The following LINGO2 variants were observed in gnomAD, a reference collection of about 807,000 sequenced individuals.
The protein encoded by LINGO2 is leucine rich repeat and Ig domain containing 2.
A neutral mutation model predicts 30.6 loss-of-function variants in LINGO2; 14 were observed. The observed-to-expected ratio is 0.46, with a 90% CI of 0.30 to 0.72. The LOEUF (loss-of-function observed/expected upper bound fraction) is 0.72. Ranked by LOEUF, LINGO2 falls within the 30% of genes least tolerant of loss-of-function variation. The pLI is 0.07. For missense variants in LINGO2, 729 were observed against 751.7 expected (o/e 0.97, Z 0.35); for synonymous variants, 317 against 288.5 (o/e 1.10, Z -1.00).
the LINGO2 span, among the ~76,000 whole-genome samples, chr9:29,093,926 T>C: frequency 7.2e-6 from 1 of 138,726 alleles, no homozygotes; most frequent in African/African-American, 2.7e-5. Flanking sequence ...TTTTGCAAGT[T>C]ATATCCAAAT....
intron 2 of LINGO2, among the ~76,000 whole-genome samples, chr9:28,433,250 G>T (rs10968595): frequency 6.6e-6 from 1 of 151,898 alleles, no homozygotes; most frequent in East Asian, 1.9e-4. Context: ...TAAAACCCAC[G>T]CCTGTTATCC....
At chr9:28,142,675 C>A (rs1827707227) in intron 4 of LINGO2, among the ~76,000 whole-genome samples, 1 of 152,112 alleles carries the variant, frequency 6.6e-6, no homozygotes, top group Non-Finnish European at 1.5e-5. Context: ...AGATAATTCC[C>A]TGATTCCTTT....
chr9:28,101,673 C>T (rs1826419901), intron 4 of LINGO2, among the ~76,000 whole-genome samples: 1 of 152,136 alleles, frequency 6.6e-6, no homozygotes, highest in Admixed American at 6.6e-5. Flanking sequence ...GAATATTTGT[C>T]TCTGGGAGAG....
intron 5 of LINGO2, among the ~76,000 whole-genome samples, chr9:27,969,346 T>C (rs1820247914): frequency 6.6e-6 from 1 of 152,100 alleles, no homozygotes; most frequent in Non-Finnish European, 1.5e-5. Flanking sequence ...ACAAGAAAAC[T>C]GGTTTTAAAA....
At chr9:28,393,788 G>A (rs927336877) in intron 2 of LINGO2, among the ~76,000 whole-genome samples, 15 of 152,144 alleles carry the variant, frequency 9.9e-5, no homozygotes, top group African/African-American at 2.4e-5. Flanking sequence ...GTATAGCAGG[G>A]CAGGTCAAAG....
chr9:28,874,280 C>A, the LINGO2 span, among the ~76,000 whole-genome samples: 4 of 151,874 alleles, frequency 2.6e-5, no homozygotes, highest in Non-Finnish European at 4.4e-5. Context: ...GGTCTATGTA[C>A]TCAGTGGTTC....
the LINGO2 span, among the ~76,000 whole-genome samples, chr9:28,685,844 C>G: frequency 1.5e-4 from 23 of 152,008 alleles, no homozygotes; most frequent in Non-Finnish European, 3.1e-4. Context: ...CTCACCATCC[C>G]TCAAATTCTA....
intron 4 of LINGO2, among the ~76,000 whole-genome samples, chr9:28,028,516 A>C (rs988715737): frequency 6.6e-6 from 1 of 152,162 alleles, no homozygotes; most frequent in Non-Finnish European, 1.5e-5. Flanking sequence ...GATTATAACA[A>C]TATACATAAT....
At chr9:29,096,230 C>T in the LINGO2 span, among the ~76,000 whole-genome samples, 1 of 139,290 alleles carries the variant, frequency 7.2e-6, no homozygotes, top group Admixed American at 7.3e-5. Flanking sequence ...CTTCCCTGAA[C>T]CTGAATACAA....
chr9:29,118,498 G>C, the LINGO2 span, among the ~76,000 whole-genome samples: 2 of 152,178 alleles, frequency 1.3e-5, no homozygotes, highest in African/African-American at 4.8e-5. Context: ...GCCGTTCATA[G>C]TCAAAACTGC....
At chr9:28,383,240 T>C (rs1290764231) in intron 2 of LINGO2, among the ~76,000 whole-genome samples, 1 of 143,056 alleles carries the variant, frequency 7.0e-6, no homozygotes, top group African/African-American at 2.6e-5. Context: ...TGAAACACTA[T>C]AGATCACCAT....
At chr9:28,941,032 G>C in the LINGO2 span, among the ~76,000 whole-genome samples, 1 of 149,614 alleles carries the variant, frequency 6.7e-6, no homozygotes, top group Non-Finnish European at 1.5e-5. Context: ...AAATAAAAGA[G>C]AAAGGGAAGA....
chr9:28,318,635 G>A lies in LINGO2; in HGVS notation c.-245-23269C>T, dbSNP rs117941118. On this transcript the variant is annotated intron_variant, in intron 3 of 5. Transcript: ENST00000379992. ...TAGAAAATGAGCTCCAAAGGACAGAGAGATCAATTGTTGTATTGTCTATTG... is the reference window on the plus strand; with the variant it reads ...TAGAAAATGAGCTCCAAAGGACAGAAAGATCAATTGTTGTATTGTCTATTG... Among the ~76,000 whole-genome samples the A allele has an allele frequency of 1.0e-3, 152 of 152,248 alleles. 1 individual carries two copies. The East Asian group carries it at 0.012, about 12-fold the overall frequency.
chr9:28,689,753 A>G, the LINGO2 span, among the ~76,000 whole-genome samples: 1 of 152,180 alleles, frequency 6.6e-6, no homozygotes, highest in African/African-American at 2.4e-5. Flanking sequence ...AGATACATGC[A>G]TGTGTATGTT....
chr9:29,059,721 C>T, the LINGO2 span, among the ~76,000 whole-genome samples: 92 of 152,074 alleles, frequency 6.0e-4, no homozygotes, highest in East Asian at 9.5e-3. Flanking sequence ...ATCAGCCTGA[C>T]GTTATCATAA....
the LINGO2 span, among the ~76,000 whole-genome samples, chr9:28,896,084 A>G: frequency 6.6e-6 from 1 of 152,164 alleles, no homozygotes; most frequent in Non-Finnish European, 1.5e-5. Flanking sequence ...TTTAAAAGAC[A>G]AGGAAGTACA....
intron 1 of LINGO2, among the ~76,000 whole-genome samples, chr9:28,526,858 G>A (rs939154083): frequency 2.0e-4 from 30 of 152,198 alleles, no homozygotes; most frequent in African/African-American, 7.0e-4. Flanking sequence ...AATGAATTAT[G>A]TATTATTCTA....
chr9:28,491,106 A>T (rs190557942), intron 1 of LINGO2, among the ~76,000 whole-genome samples: 1 of 152,324 alleles, frequency 6.6e-6, no homozygotes, highest in African/African-American at 2.4e-5. Context: ...CCATTGTAAC[A>T]AATTACTACA....
the LINGO2 span, among the ~76,000 whole-genome samples, chr9:28,816,320 G>C: frequency 3.3e-5 from 5 of 152,292 alleles, no homozygotes; most frequent in African/African-American, 1.2e-4. Flanking sequence ...AATTTTGCCA[G>C]GGGCAGCAGC....
Sources: gnomAD v4.1 joint callset for allele counts (sites outside exome capture counted in the v4.1 genomes callset) on GRCh38, gnomAD v4.1.1 for gene constraint, MANE v1.5 for transcripts, NCBI Gene and HGNC (gene_info 2026-07-23, HGNC 2026-07-21) for gene names.